The following FARS2 variants were observed in gnomAD, a reference collection of about 807,000 sequenced individuals.
FARS2 encodes phenylalanyl-tRNA synthetase 2, mitochondrial, also known as phenylalanine--tRNA ligase, mitochondrial.
In FARS2, 40 loss-of-function variants were observed where a neutral mutation model predicts 46.4. The observed-to-expected ratio is 0.86, with a 90% CI of 0.67 to 1.12. FARS2 has a LOEUF of 1.12. Ranked by LOEUF, FARS2 falls within the 50% of genes most tolerant of loss-of-function variation. The probability of loss-of-function intolerance (pLI) is 0.00; values close to 1 mark genes in which losing one functional copy is unlikely to be tolerated. For missense variants in FARS2, 513 were observed against 567.9 expected, an observed-to-expected ratio of 0.90 and a Z score of 0.98; for synonymous variants, 234 against 214.9, an observed-to-expected ratio of 1.09 and a Z score of -0.78.
intron 6 of FARS2, among the ~76,000 whole-genome samples, chr6:5,616,010 T>TAAAAAAAAAA (rs11327256): frequency 1.0e-5 from 1 of 95,830 alleles, no homozygotes; most frequent in Admixed American, 1.2e-4. Flanking sequence ...CCATAGCTCT[T>TAAAAAAAAAA]AAAAAAAAAA....
chr6:5,431,035 T>A lies in FARS2; in HGVS notation c.773-6T>A, dbSNP rs774599491. 3 of 1,613,020 alleles carry A rather than the reference T, an allele frequency of 1.9e-6. No individual in the cohort carries two copies. Among genetic ancestry groups the A allele is most frequent in the Non-Finnish European group, 2.5e-6 (3 of 1,179,316 alleles). On this transcript the variant is annotated splice_region_variant and splice_polypyrimidine_tract_variant and intron_variant, in intron 3 of 6. Transcript: ENST00000274680. ...CTACTTATTTGTTTCTTTGGCAACTTTGCAGAGCTGGAGATAAGATGGGTA... is the reference window on the plus strand; with the variant it reads ...CTACTTATTTGTTTCTTTGGCAACTATGCAGAGCTGGAGATAAGATGGGTA...
intron 1 of FARS2, among the ~76,000 whole-genome samples, chr6:5,323,651 T>C (rs550989918): frequency 6.6e-6 from 1 of 152,170 alleles, no homozygotes; most frequent in Non-Finnish European, 1.5e-5. Flanking sequence ...AATGACCCAG[T>C]GGCGGAAGGA....
chr6:5,642,297 C>A (rs1404398767), intron 6 of FARS2, among the ~76,000 whole-genome samples: 1 of 152,154 alleles, frequency 6.6e-6, no homozygotes, highest in Non-Finnish European at 1.5e-5. Flanking sequence ...GAGTGATAGA[C>A]TTAAGCTTGA....
chr6:5,618,067 C>T (rs1033063108), intron 6 of FARS2, among the ~76,000 whole-genome samples: 1 of 152,196 alleles, frequency 6.6e-6, no homozygotes, highest in African/African-American at 2.4e-5. Context: ...AGTGCAAAAG[C>T]AGTCACAGAT....
At chr6:5,432,359 ATATAATATATT>A (rs1763250326) in intron 4 of FARS2, among the ~76,000 whole-genome samples, 3 of 92,784 alleles carry the variant, frequency 3.2e-5, no homozygotes, top group African/African-American at 7.7e-5. Context: ...TATTATATAT[ATATAATATATT>A]ATATATTTAT....
chr6:5,303,108 C>G (rs546576164), intron 1 of FARS2, among the ~76,000 whole-genome samples: 2 of 152,278 alleles, frequency 1.3e-5, no homozygotes, highest in East Asian at 3.9e-4. Context: ...CAAGATCATA[C>G]AGGGAGAAGA....
At chr6:5,392,795 C>T (rs1378708770) in intron 2 of FARS2, among the ~76,000 whole-genome samples, 1 of 133,572 alleles carries the variant, frequency 7.5e-6, no homozygotes, top group Non-Finnish European at 1.6e-5. Flanking sequence ...TGTATATATA[C>T]ATATATGTAT....
intron 1 of FARS2, among the ~76,000 whole-genome samples, chr6:5,323,484 CT>C (rs1433948121): frequency 6.6e-6 from 1 of 152,216 alleles, no homozygotes; most frequent in Non-Finnish European, 1.5e-5. Context: ...CCTCCTACTG[CT>C]TTCCTTGTAC....
In FARS2 at chr6:5,316,921, A is replaced by G. The variant is rs536097244; in HGVS notation, c.-21-51629A>G. ...GAAATGCCCAGCTCTTGCCCCTTCTAGCCTTCCTGTCTCCATTAAGGGGGA... is the reference window on the plus strand; with the variant it reads ...GAAATGCCCAGCTCTTGCCCCTTCTGGCCTTCCTGTCTCCATTAAGGGGGA... On this transcript the variant is annotated intron_variant, in intron 1 of 6. Coordinates refer to ENST00000274680, the MANE Select transcript of FARS2 (RefSeq NM_006567.5). Among the ~76,000 whole-genome samples, 22 of 152,286 alleles carry G rather than the reference A, an allele frequency of 1.4e-4. No individual in the cohort carries two copies. The South Asian group carries it at 3.1e-3, about 22-fold the overall frequency.
rs142090221 is a variant in FARS2, at chr6:5,511,236, A to G, written c.905-33944A>G. 1.4e-4 allele frequency among the ~76,000 whole-genome samples: 21 copies of G among 152,344 alleles called. No homozygotes were observed. In the East Asian group the frequency reaches 3.5e-3, roughly 25 times the overall value. Reference sequence around the variant, plus strand: ...TGAGAAGGTATTTAAGGGATCTTGCAATTTTCCTGCAGGAGAAAAAGAGAA... The same window carrying G: ...TGAGAAGGTATTTAAGGGATCTTGCGATTTTCCTGCAGGAGAAAAAGAGAA... On this transcript the variant is annotated intron_variant, in intron 4 of 6. Transcript: ENST00000274680.
At chr6:5,513,803 G>A (rs1768604820) in intron 4 of FARS2, among the ~76,000 whole-genome samples, 1 of 152,144 alleles carries the variant, frequency 6.6e-6, no homozygotes. Context: ...CTGTCTAAGT[G>A]GGCACGTAGG....
intron 3 of FARS2, among the ~76,000 whole-genome samples, chr6:5,406,008 A>G (rs919962254): frequency 2.0e-5 from 3 of 152,192 alleles, no homozygotes; most frequent in African/African-American, 7.2e-5. Flanking sequence ...GTTTTCAGTA[A>G]TGCCACCTTC....
chr6:5,654,452 C>G (rs1246572724), intron 6 of FARS2, among the ~76,000 whole-genome samples: 2 of 152,136 alleles, frequency 1.3e-5, no homozygotes, highest in African/African-American at 4.8e-5. Flanking sequence ...CTGATACATC[C>G]TTTGTGGATA....
At position 5,717,927 on chromosome 6, in the gene FARS2, T is replaced by TAGAGAGAGAGAGAGAGAGAGAGAGAG. The variant is rs1410102835; in HGVS notation, c.1218-53363_1218-53362insGAGAGAGAGAGAGAGAGAGAGAGAGA. ...TATCAGCTATATATATATATATATA[T>TAGAGAGAGAGAGAGAGAGAGAGAGAG]ATATATATACAGAGTCTCACTCTGT... On this transcript the variant is annotated intron_variant, in intron 6 of 6. Coordinates refer to ENST00000274680, the MANE Select transcript of FARS2 (RefSeq NM_006567.5). 3.9e-3 allele frequency among the ~76,000 whole-genome samples: 292 copies of TAGAGAGAGAGAGAGAGAGAGAGAGAG among 74,204 alleles called. 7 individuals carry two copies. The highest frequency in any genetic ancestry group is 0.029 in the African/African-American group (272 of 9,242). 48.7% of individuals were successfully genotyped at this position (74,204 alleles called of 152,430 possible).
At chr6:5,481,078 TGA>T (rs1474286046) in intron 4 of FARS2, among the ~76,000 whole-genome samples, 2 of 152,200 alleles carry the variant, frequency 1.3e-5, no homozygotes, top group Non-Finnish European at 2.9e-5. Context: ...GAAAAGGCAG[TGA>T]GTCCTTTATG....
chr6:5,642,783 C>T (rs908754071), intron 6 of FARS2, among the ~76,000 whole-genome samples: 2 of 152,176 alleles, frequency 1.3e-5, no homozygotes, highest in African/African-American at 2.4e-5. Flanking sequence ...TGTAGTTGCT[C>T]GTTATTTTGA....
upstream of FARS2, among the ~76,000 whole-genome samples, chr6:5,260,219 C>T (rs1197172904): frequency 1.3e-5 from 2 of 152,184 alleles, no homozygotes; most frequent in South Asian, 2.1e-4. Context: ...AGTGTGCCTT[C>T]AGCTTTGTCG....
intron 5 of FARS2, chr6:5,610,239 C>T: frequency 1.9e-6 from 1 of 518,928 alleles, no homozygotes; most frequent in Non-Finnish European, 3.5e-6. Flanking sequence ...GTTTTTTCAG[C>T]AGCATCCACG....
intron 4 of FARS2, among the ~76,000 whole-genome samples, chr6:5,448,683 G>A (rs535219564): frequency 1.2e-4 from 19 of 152,242 alleles, no homozygotes; most frequent in Admixed American, 5.2e-4. Flanking sequence ...CACATTTTGC[G>A]TGCAAGTACA....
Sources: gnomAD v4.1 joint callset for allele counts (sites outside exome capture counted in the v4.1 genomes callset) on GRCh38, gnomAD v4.1.1 for gene constraint, MANE v1.5 for transcripts, NCBI Gene and HGNC (gene_info 2026-07-23, HGNC 2026-07-21) for gene names.